The following TM9SF2 variants were observed in gnomAD, a reference collection of about 807,000 sequenced individuals.
TM9SF2 encodes the protein 76 kDa membrane protein.
In TM9SF2, 13 loss-of-function variants were observed where a neutral mutation model predicts 84.9. That is an observed-to-expected ratio of 0.15 (90% CI 0.10 to 0.24). The LOEUF (loss-of-function observed/expected upper bound fraction) is 0.24. Among genes scored for constraint, TM9SF2 ranks in the 10% least tolerant of loss-of-function variants. The probability of loss-of-function intolerance (pLI) is 1.00; values close to 1 mark genes in which losing one functional copy is unlikely to be tolerated. For missense variants in TM9SF2, 562 were observed against 818.5 expected (o/e 0.69, Z 3.82); for synonymous variants, 273 against 285.8 (o/e 0.96, Z 0.45).
chr13:99,515,755 C>T (rs1191879439), intron 1 of TM9SF2, among the ~76,000 whole-genome samples: 7 of 92,912 alleles, frequency 7.5e-5, no homozygotes, highest in South Asian at 2.9e-4. Flanking sequence ...TTTTTTGAAA[C>T]GGAGTTTCGC....
intron 4 of TM9SF2, among the ~76,000 whole-genome samples, chr13:99,533,206 A>G (rs777048519): frequency 2.6e-5 from 4 of 152,182 alleles, no homozygotes; most frequent in Non-Finnish European, 5.9e-5. Context: ...GAGCATAATC[A>G]TTTTCTAAAT....
In TM9SF2 at chr13:99,547,253, C is replaced by G. The variant is rs1275539521; in HGVS notation, c.1270+149C>G. ...GTTAAAAGGAGCCTGCTTGGTGATT[C>G]CTTTTGTGTCATGAGTTACTATCCC... On this transcript the variant is annotated intron_variant, in intron 11 of 16. Transcript: ENST00000376387. The G allele has an allele frequency of 1.3e-5, 15 of 1,189,200 alleles. No homozygotes were observed. The South Asian group carries it at 2.7e-4, about 22-fold the overall frequency. 73.7% of individuals were successfully genotyped at this position (1,189,200 alleles called of 1,614,324 possible).
chr13:99,560,117 T>C (rs1253355920), intron 16 of TM9SF2, among the ~76,000 whole-genome samples: 2 of 152,226 alleles, frequency 1.3e-5, no homozygotes, highest in African/African-American at 4.8e-5. Context: ...CCCCGGGTGC[T>C]TGGTAAACAT....
At position 99,536,713 on chromosome 13, in the gene TM9SF2, T is replaced by C. The variant is rs1222147646; in HGVS notation, c.567T>C (p.His189=). 19 of 1,613,600 alleles carry C rather than the reference T, an allele frequency of 1.2e-5. No individual in the cohort carries two copies. Among genetic ancestry groups the C allele is most frequent in the Non-Finnish European group, 1.6e-5 (19 of 1,179,714 alleles). The part of the protein sequence containing the change: ...PIGCYITDKG[H]AKDACVISSD... ...GCTGTTACATTACAGATAAAGGCCATGCAAAAGATGCCTGTGTTATTAGTG... is the reference window on the plus strand; with the variant it reads ...GCTGTTACATTACAGATAAAGGCCACGCAAAAGATGCCTGTGTTATTAGTG... The change falls in exon 5 of 17, where the codon CAT becomes CAC. Residue 189 remains histidine (H), a synonymous_variant. Transcript: ENST00000376387.
At chr13:99,540,851 G>T in intron 8 of TM9SF2, 58 bp downstream of exon 8, 1 of 1,422,620 alleles carries the variant, frequency 7.0e-7, no homozygotes, top group South Asian at 1.2e-5. Context: ...CTGTCCCTTT[G>T]AACATCTCAT....
intron 11 of TM9SF2, among the ~76,000 whole-genome samples, chr13:99,547,840 T>G (rs945403814): frequency 2.2e-4 from 34 of 152,186 alleles, no homozygotes; most frequent in African/African-American, 7.7e-4. Flanking sequence ...GAAAAAGTTT[T>G]GAGGTGAAGC....
chr13:99,529,801 A>G (rs922835112), intron 4 of TM9SF2, among the ~76,000 whole-genome samples: 6 of 152,156 alleles, frequency 3.9e-5, no homozygotes, highest in Non-Finnish European at 4.4e-5. Flanking sequence ...CTGTGTTTAG[A>G]TTACTGTAAT....
intron 3 of TM9SF2, among the ~76,000 whole-genome samples, chr13:99,520,632 G>A (rs2046155364): frequency 6.6e-6 from 1 of 152,090 alleles, no homozygotes. Flanking sequence ...GTAGTGGTGA[G>A]ATCTCAGCTC....
intron 1 of TM9SF2, among the ~76,000 whole-genome samples, chr13:99,503,794 T>C (rs779122092): frequency 1.4e-4 from 22 of 152,116 alleles, no homozygotes; most frequent in African/African-American, 4.3e-4. Flanking sequence ...ATAGGTGGTC[T>C]TCCAGTTAGA....
chr13:99,531,136 T>C (rs891311542), intron 4 of TM9SF2, among the ~76,000 whole-genome samples: 10 of 152,122 alleles, frequency 6.6e-5, no homozygotes, highest in African/African-American at 2.2e-4. Context: ...GCTGGAATTA[T>C]AGGTGTGAGC....
chr13:99,554,123 A>G (rs894953558), intron 13 of TM9SF2, among the ~76,000 whole-genome samples, 181 bp from the exon 14 acceptor site: 1 of 152,224 alleles, frequency 6.6e-6, no homozygotes, highest in Non-Finnish European at 1.5e-5. Flanking sequence ...TGAGTATTGT[A>G]CCTGATGGTA....
chr13:99,552,524 G>A (rs2046309312), intron 13 of TM9SF2, among the ~76,000 whole-genome samples, 198 bp downstream of exon 13: 1 of 152,188 alleles, frequency 6.6e-6, no homozygotes, highest in Admixed American at 6.5e-5. Context: ...AGGTTTCAAA[G>A]TTTTTTAAGT....
At chr13:99,527,304 T>C (rs1281121999) in intron 3 of TM9SF2, among the ~76,000 whole-genome samples, 1 of 152,124 alleles carries the variant, frequency 6.6e-6, no homozygotes, top group East Asian at 1.9e-4. Context: ...GGGTAACTTA[T>C]AAAGAAAAGT....
chr13:99,562,643 A>T, intron 16 of TM9SF2, 48 bp from the exon 17 acceptor site: 2 of 1,579,618 alleles, frequency 1.3e-6, no homozygotes, highest in South Asian at 1.1e-5. Flanking sequence ...TGTGTAAAGT[A>T]TGAAACTTCC....
chr13:99,554,181 A>T, intron 13 of TM9SF2, 123 bp from the exon 14 acceptor site: 1 of 1,179,058 alleles, frequency 8.5e-7, no homozygotes, highest in Non-Finnish European at 1.2e-6. Context: ...TGTCTTAAGT[A>T]GACTTTATTG....
At chr13:99,536,836 G>T in intron 5 of TM9SF2, 99 bp downstream of exon 5, 1 of 1,346,898 alleles carries the variant, frequency 7.4e-7, no homozygotes, top group South Asian at 1.4e-5. Flanking sequence ...TTGAATGAGT[G>T]TACAGTTCAG....
At chr13:99,509,113 A>G (rs1175209633) in intron 1 of TM9SF2, among the ~76,000 whole-genome samples, 1 of 152,186 alleles carries the variant, frequency 6.6e-6, no homozygotes, top group East Asian at 1.9e-4. Context: ...CTTCCAAGAC[A>G]CAAAGGGGCT....
At chr13:99,533,579 G>A (rs909735873) in intron 4 of TM9SF2, among the ~76,000 whole-genome samples, 13 of 152,136 alleles carry the variant, frequency 8.5e-5, no homozygotes, top group Admixed American at 4.6e-4. Context: ...CATTGGAACC[G>A]TGCTGTAGTT....
At chr13:99,510,963 G>T (rs1353205989) in intron 1 of TM9SF2, among the ~76,000 whole-genome samples, 2 of 151,956 alleles carry the variant, frequency 1.3e-5, no homozygotes. Context: ...ATGTTCTTTG[G>T]TTTTCAAATA....
Sources: allele counts gnomAD v4.1 joint callset (sites outside exome capture counted in the v4.1 genomes callset), GRCh38; gene constraint gnomAD v4.1.1; transcripts MANE v1.5; gene names NCBI Gene and HGNC (gene_info 2026-07-23, HGNC 2026-07-21).